Variants in LRRC7 observed in about 807,000 individuals in gnomAD.
LRRC7 encodes the protein leucine-rich repeat-containing protein 7.
Under a neutral mutation model 175.7 loss-of-function variants are expected in LRRC7, and 23 were observed. The observed-to-expected ratio is 0.13, with a 90% CI of 0.09 to 0.19. The LOEUF (loss-of-function observed/expected upper bound fraction) is 0.19. LRRC7 is among the 10% of genes least tolerant of loss of function. The pLI, the probability that LRRC7 is intolerant of heterozygous loss-of-function variation, is 1.00. For missense variants in LRRC7, 1,354 were observed against 1,904.7 expected, an observed-to-expected ratio of 0.71 and a Z score of 5.38; for synonymous variants, 685 against 680.9, an observed-to-expected ratio of 1.01 and a Z score of -0.09.
chr1:69,828,730 G>A (rs972706997), intron 5 of LRRC7, among the ~76,000 whole-genome samples: 9 of 151,954 alleles, frequency 5.9e-5, no homozygotes, highest in African/African-American at 2.2e-4. Context: ...ACATTATGAT[G>A]TTCGTTTTAT....
intron 7 of LRRC7, chr1:69,919,789 C>T (rs1171144723): frequency 9.2e-6 from 8 of 867,804 alleles, no homozygotes; most frequent in Non-Finnish European, 1.5e-5. Context: ...GGGAGATGAG[C>T]GGGACAGTGT....
chr1:70,028,026 G>A (rs1039594407), intron 17 of LRRC7, 145 bp from the exon 18 acceptor site: 37 of 694,914 alleles, frequency 5.3e-5, no homozygotes, highest in African/African-American at 1.4e-4. Context: ...AACACTATGC[G>A]TCCTACTCTA....
chr1:69,587,788 T>G (rs1188232810), intron 1 of LRRC7, among the ~76,000 whole-genome samples: 1 of 152,178 alleles, frequency 6.6e-6, no homozygotes, highest in African/African-American at 2.4e-5. Context: ...CTCTCTCTCC[T>G]GCTGCCATGT....
intron 23 of LRRC7, among the ~76,000 whole-genome samples, chr1:70,073,514 A>G (rs1323932555): frequency 6.6e-6 from 1 of 152,220 alleles, no homozygotes; most frequent in Non-Finnish European, 1.5e-5. Flanking sequence ...AATATATAGC[A>G]TTAGCTTTTC....
At chr1:69,846,152 G>A (rs965987460) in intron 7 of LRRC7, among the ~76,000 whole-genome samples, 13 of 152,020 alleles carry the variant, frequency 8.6e-5, no homozygotes, top group Non-Finnish European at 1.3e-4. Context: ...AAATTATAAT[G>A]CATTATAACA....
At chr1:69,993,626 A>C (rs1055075191) in intron 10 of LRRC7, among the ~76,000 whole-genome samples, 4 of 152,218 alleles carry the variant, frequency 2.6e-5, no homozygotes, top group Admixed American at 2.0e-4. Context: ...TATTAAAGAA[A>C]GCTATTTAAT....
At chr1:69,582,575 G>A (rs979042578) in intron 1 of LRRC7, among the ~76,000 whole-genome samples, 1 of 152,204 alleles carries the variant, frequency 6.6e-6, no homozygotes, top group African/African-American at 2.4e-5. Flanking sequence ...AGCCTGGCAT[G>A]GCAAGGGAAC....
Position 69,674,597 on chromosome 1 carries a change from T to C in LRRC7, c.3-3784T>C, listed in dbSNP as rs138736539. Among the ~76,000 whole-genome samples the C allele has an allele frequency of 8.3e-3, 1,261 of 152,290 alleles. 10 individuals are homozygous for C. Among genetic ancestry groups the C allele is most frequent in the African/African-American group, 0.029 (1,194 of 41,552 alleles). ...CAAAACCTGGAATTTTCTAGAACTTTAGTTAATTCATGATGACGACAACCC... is the reference window on the plus strand; with the variant it reads ...CAAAACCTGGAATTTTCTAGAACTTCAGTTAATTCATGATGACGACAACCC... On this transcript the variant is annotated intron_variant, in intron 1 of 26. Coordinates refer to ENST00000651989, the MANE Select transcript of LRRC7 (RefSeq NM_001370785.2).
chr1:69,957,152 A>T (rs1229225964), intron 8 of LRRC7, among the ~76,000 whole-genome samples: 1 of 151,830 alleles, frequency 6.6e-6, no homozygotes, highest in East Asian at 1.9e-4. Context: ...CACTAGGTAG[A>T]GGCCAGGTGA....
chr1:69,573,096 C>A (rs1431182273), intron 1 of LRRC7, among the ~76,000 whole-genome samples: 1 of 152,106 alleles, frequency 6.6e-6, no homozygotes, highest in Non-Finnish European at 1.5e-5. Flanking sequence ...TTGCTAAACT[C>A]CTACCATGAG....
In LRRC7 at chr1:70,133,465, A is replaced by G. The variant is rs1361146980; in HGVS notation, c.*11578A>G. On this transcript the variant is annotated 3_prime_UTR_variant, in exon 27 of 27. Transcript: ENST00000651989. ...TGAACACCTGGGCTCTATCGATCCG[A>G]CCGCCTCGGCCTCCCAAAGTGCTGG... 6.6e-6 allele frequency among the ~76,000 whole-genome samples: 1 copy of G among 151,754 alleles called. No individual in the cohort carries two copies. Among genetic ancestry groups the G allele is most frequent in the Admixed American group, 6.6e-5 (1 of 15,236 alleles).
At chr1:69,710,294 A>G (rs551437000) in intron 2 of LRRC7, among the ~76,000 whole-genome samples, 1 of 151,142 alleles carries the variant, frequency 6.6e-6, no homozygotes, top group Non-Finnish European at 1.5e-5. Flanking sequence ...AAAAAAAAAA[A>G]AAAAGAAAGA....
At chr1:69,803,888 T>G (rs1201346881) in intron 4 of LRRC7, among the ~76,000 whole-genome samples, 1 of 151,418 alleles carries the variant, frequency 6.6e-6, no homozygotes, top group Non-Finnish European at 1.5e-5. Flanking sequence ...TCACACCATT[T>G]ATCTTTTAGT....
At chr1:69,679,675 C>G (rs1396519466) in intron 2 of LRRC7, among the ~76,000 whole-genome samples, 1 of 152,058 alleles carries the variant, frequency 6.6e-6, no homozygotes, top group Admixed American at 6.6e-5. Flanking sequence ...TATAGAAACA[C>G]TTCGGGGTTT....
chr1:69,763,193 C>T (rs1337436333), intron 3 of LRRC7, among the ~76,000 whole-genome samples: 1 of 151,986 alleles, frequency 6.6e-6, no homozygotes, highest in East Asian at 1.9e-4. Flanking sequence ...TTGATTGGCT[C>T]TCGTAAGTGG....
intron 7 of LRRC7, among the ~76,000 whole-genome samples, chr1:69,904,762 T>G (rs1300090765): frequency 1.3e-5 from 2 of 152,128 alleles, no homozygotes; most frequent in Admixed American, 1.3e-4. Context: ...TACAGATTAT[T>G]TTGTCACCCA....
At chr1:69,822,429 A>G (rs1679406946) in intron 4 of LRRC7, among the ~76,000 whole-genome samples, 1 of 152,202 alleles carries the variant, frequency 6.6e-6, no homozygotes, top group South Asian at 2.1e-4. Context: ...GGCATACCGA[A>G]CAGGTCATGG....
intron 3 of LRRC7, among the ~76,000 whole-genome samples, chr1:69,766,221 A>G (rs1671610297): frequency 6.6e-6 from 1 of 152,114 alleles, no homozygotes; most frequent in Non-Finnish European, 1.5e-5. Flanking sequence ...TACGCTCATG[A>G]AGCCAAAAAA....
chr1:70,038,062 A>C (rs1395129782), intron 20 of LRRC7, 51 bp from the exon 21 acceptor site: 1 of 1,534,570 alleles, frequency 6.5e-7, no homozygotes, highest in Non-Finnish European at 8.8e-7. Context: ...CTTTCTGCCA[A>C]AGACCCAACT....
Sources: allele counts gnomAD v4.1 joint callset (sites outside exome capture counted in the v4.1 genomes callset), GRCh38; gene constraint gnomAD v4.1.1; transcripts MANE v1.5; gene names NCBI Gene and HGNC (gene_info 2026-07-23, HGNC 2026-07-21).